Variants in EHBP1 observed in about 807,000 individuals in gnomAD.
EHBP1 encodes the protein EH domain-binding protein 1.
In EHBP1, 55 loss-of-function variants were observed where a neutral mutation model predicts 144.0. The ratio of observed to expected loss-of-function variants is 0.38; its 90% CI spans 0.31 to 0.48. EHBP1 has a LOEUF of 0.48. EHBP1 is among the 20% of genes least tolerant of loss of function. The probability of loss-of-function intolerance (pLI) is 0.98; values close to 1 mark genes in which losing one functional copy is unlikely to be tolerated. For missense variants in EHBP1, 1,200 were observed against 1,364.2 expected (o/e 0.88, Z 1.90); for synonymous variants, 469 against 472.7 (o/e 0.99, Z 0.10).
At position 62,722,277 on chromosome 2, in the gene EHBP1, G is replaced by A. The variant is rs373588315; in HGVS notation, c.104+14982G>A. 9.9e-5 allele frequency among the ~76,000 whole-genome samples: 15 copies of A among 152,016 alleles called. No individual in the cohort carries two copies. In the East Asian group the frequency reaches 2.1e-3, roughly 22 times the overall value. On this transcript the variant is annotated intron_variant, in intron 2 of 22. Transcript: ENST00000431489. ...CTCCCGAGTAGCTGGAACTATAGGT[G>A]CATACCACCACACCAGGCTAATTTT...
intron 1 of EHBP1, among the ~76,000 whole-genome samples, chr2:62,688,133 TGAGA>T (rs1484532946): frequency 6.6e-6 from 1 of 152,224 alleles, no homozygotes; most frequent in East Asian, 1.9e-4. Context: ...ATTTTTGGTT[TGAGA>T]GAGAATTACT....
At chr2:62,929,403 G>T (rs886212617) in intron 10 of EHBP1, among the ~76,000 whole-genome samples, 1 of 152,098 alleles carries the variant, frequency 6.6e-6, no homozygotes, top group African/African-American at 2.4e-5. Context: ...TTTATGCCTG[G>T]AGTGCAAGGA....
intron 14 of EHBP1, among the ~76,000 whole-genome samples, chr2:62,974,015 A>T (rs866006913): frequency 3.3e-4 from 51 of 152,324 alleles, no homozygotes; most frequent in Middle Eastern, 6.8e-3. Context: ...TCTCAGATTT[A>T]AAAAAGAAAA....
chr2:62,789,170 A>G (rs1005754046), intron 5 of EHBP1, among the ~76,000 whole-genome samples: 1 of 152,186 alleles, frequency 6.6e-6, no homozygotes, highest in South Asian at 2.1e-4. Context: ...GGCTGTTGCC[A>G]TTAATAAGAG....
chr2:62,773,850 C>CAAAAAAAAAAAAA (rs570715468), intron 5 of EHBP1, among the ~76,000 whole-genome samples: 8 of 41,538 alleles, frequency 1.9e-4, no homozygotes, highest in Admixed American at 8.6e-4. Flanking sequence ...GACTCCATCT[C>CAAAAAAAAAAAAA]AAAAAAAAAA....
chr2:62,900,670 G>T (rs1347389257), intron 10 of EHBP1, among the ~76,000 whole-genome samples: 2 of 139,620 alleles, frequency 1.4e-5, no homozygotes, highest in Admixed American at 6.8e-5. Flanking sequence ...TTTTTTGTGG[G>T]TGTGTGTGTA....
intron 5 of EHBP1, among the ~76,000 whole-genome samples, chr2:62,778,731 T>A (rs184091005): frequency 1.0e-3 from 153 of 152,272 alleles, no homozygotes; most frequent in Non-Finnish European, 1.6e-3. Context: ...GTTTCTGACC[T>A]TATTAAATTT....
chr2:62,961,107 A>G (rs1018676048), intron 14 of EHBP1, among the ~76,000 whole-genome samples: 1 of 152,158 alleles, frequency 6.6e-6, no homozygotes, highest in Non-Finnish European at 1.5e-5. Flanking sequence ...ACAACTCTCG[A>G]TATTCTTATT....
rs141668192 is a variant in EHBP1, at chr2:62,714,602, C to T, written c.104+7307C>T. Among the ~76,000 whole-genome samples the T allele has an allele frequency of 4.3e-4, 66 of 152,196 alleles. 1 individual carries two copies. Among genetic ancestry groups the T allele is most frequent in the African/African-American group, 1.4e-3 (58 of 41,516 alleles). On this transcript the variant is annotated intron_variant, in intron 2 of 22. Coordinates refer to ENST00000431489, the MANE Select transcript of EHBP1 (RefSeq NM_001142616.3). ...GTTTTGAAGATTAAGTAAGATAATA[C>T]CTGTAATAAAGGGGTTAGAACAGTG...
intron 2 of EHBP1, among the ~76,000 whole-genome samples, chr2:62,729,653 A>G (rs1427873267): frequency 6.9e-6 from 1 of 144,220 alleles, no homozygotes; most frequent in Non-Finnish European, 1.5e-5. Context: ...ATAATATAAT[A>G]TAATATTTTG....
Position 62,948,686 on chromosome 2 carries a change from A to G in EHBP1, c.1840A>G (p.Ser614Gly), listed in dbSNP as rs2057208743. 1.2e-6 allele frequency: 2 copies of G among 1,613,964 alleles called. No homozygotes were observed. The change falls in exon 13 of 23, where the codon AGT becomes GGT. Residue 614 changes from serine to glycine, a missense_variant. By Grantham distance (56) the Ser-to-Gly change is moderately conservative. Transcript: ENST00000431489. Reference sequence around the variant, plus strand: ...CTCCCCTTACTGTCGCAGGACTAAAAGTGACACAGAACCCCAGAAGTCTCA... The same window carrying G: ...CTCCCCTTACTGTCGCAGGACTAAAGGTGACACAGAACCCCAGAAGTCTCA... ...TASPYCRRTK[S>G]DTEPQKSQQS...
At chr2:62,695,630 G>T (rs919917528) in intron 1 of EHBP1, among the ~76,000 whole-genome samples, 1 of 152,182 alleles carries the variant, frequency 6.6e-6, no homozygotes, top group Non-Finnish European at 1.5e-5. Flanking sequence ...TTTAGATAGC[G>T]AGAGAACATT....
At chr2:62,793,098 T>C (rs1180608253) in intron 5 of EHBP1, among the ~76,000 whole-genome samples, 2 of 152,128 alleles carry the variant, frequency 1.3e-5, no homozygotes, top group African/African-American at 4.8e-5. Context: ...TGTATAATTT[T>C]TTTAGGGTGC....
chr2:62,845,030 ATAGT>A (rs1270334762), intron 7 of EHBP1, among the ~76,000 whole-genome samples: 1 of 152,086 alleles, frequency 6.6e-6, no homozygotes, highest in African/African-American at 2.4e-5. Flanking sequence ...CAAGATTCAG[ATAGT>A]TAGGAGCAGG....
In EHBP1 at chr2:63,026,433, A is replaced by G. The variant is rs1292058983; in HGVS notation, c.3104-11102A>G. Among the ~76,000 whole-genome samples the G allele has an allele frequency of 2.6e-5, 4 of 151,986 alleles. No homozygotes were observed. The East Asian group carries it at 7.7e-4, about 29-fold the overall frequency. On this transcript the variant is annotated intron_variant, in intron 19 of 22. Transcript: ENST00000431489. ...AGCATTTATTTACCATGAGCCTGGC[A>G]CTATTCTAAGTGCTTTACATATTTG...
intron 5 of EHBP1, among the ~76,000 whole-genome samples, chr2:62,785,957 C>T (rs913300125): frequency 1.3e-5 from 2 of 152,026 alleles, no homozygotes; most frequent in African/African-American, 2.4e-5. Context: ...GACCTTTCTG[C>T]GTGTTGTTCC....
chr2:62,742,685 A>T (rs1297509370), intron 2 of EHBP1, among the ~76,000 whole-genome samples: 1 of 152,084 alleles, frequency 6.6e-6, no homozygotes, highest in Non-Finnish European at 1.5e-5. Flanking sequence ...GGGCCTATTT[A>T]AAAAATTTTG....
intron 7 of EHBP1, among the ~76,000 whole-genome samples, chr2:62,852,097 A>ATAAT (rs1292325308): frequency 6.6e-6 from 1 of 152,154 alleles, no homozygotes; most frequent in Admixed American, 6.5e-5. Flanking sequence ...ACTAACTCTA[A>ATAAT]TACTTCTTCT....
intron 3 of EHBP1, among the ~76,000 whole-genome samples, chr2:62,753,747 C>T (rs1416724274): frequency 1.3e-5 from 2 of 152,102 alleles, no homozygotes; most frequent in African/African-American, 2.4e-5. Flanking sequence ...TTCAATTGAC[C>T]TGCAATCACT....
Sources: allele counts gnomAD v4.1 joint callset (sites outside exome capture counted in the v4.1 genomes callset), GRCh38; gene constraint gnomAD v4.1.1; transcripts MANE v1.5; gene names NCBI Gene and HGNC (gene_info 2026-07-23, HGNC 2026-07-21).